The following MYO1H variants were observed in gnomAD, a reference collection of about 807,000 sequenced individuals.
MYO1H encodes unconventional myosin-Ih.
In MYO1H, 118 loss-of-function variants were observed where a neutral mutation model predicts 149.3. The ratio of observed to expected loss-of-function variants is 0.79; its 90% CI spans 0.68 to 0.92. MYO1H has a LOEUF of 0.92. MYO1H is among the 40% of genes least tolerant of loss of function. MYO1H has a pLI of 0.00. For synonymous variants in MYO1H, 447 were observed against 465.2 expected (o/e 0.96, Z 0.50); for missense variants, 1,212 against 1,280.7 (o/e 0.95, Z 0.82).
At chr12:109,383,370 G>A (rs925564050) in intron 1 of MYO1H, among the ~76,000 whole-genome samples, 13 of 152,202 alleles carry the variant, frequency 8.5e-5, no homozygotes, top group African/African-American at 2.9e-4. Flanking sequence ...CATTCAAACT[G>A]CTGTCCTCCC....
intron 15 of MYO1H, among the ~76,000 whole-genome samples, chr12:109,416,533 A>G (rs1002624574): frequency 6.6e-6 from 1 of 152,060 alleles, no homozygotes; most frequent in Non-Finnish European, 1.5e-5. Context: ...GATATGCCAC[A>G]TTTTGTTCAT....
intron 1 of MYO1H, among the ~76,000 whole-genome samples, chr12:109,388,337 G>A (rs1869475635): frequency 6.6e-6 from 1 of 152,160 alleles, no homozygotes. Flanking sequence ...CAGATTTTGG[G>A]CGTGGCTTAT....
intron 16 of MYO1H, among the ~76,000 whole-genome samples, chr12:109,421,777 A>G (rs576098460): frequency 3.3e-5 from 5 of 152,068 alleles, no homozygotes; most frequent in East Asian, 1.9e-4. Flanking sequence ...GGAATTCCCA[A>G]TCTCTTTGCC....
At chr12:109,313,902 T>C in the MYO1H span, among the ~76,000 whole-genome samples, 11 of 152,204 alleles carry the variant, frequency 7.2e-5, no homozygotes, top group Non-Finnish European at 1.0e-4. Context: ...CTCGTTTTTT[T>C]AGACGGAGTT....
chr12:109,406,938 C>T (rs1377510404), intron 9 of MYO1H, 78 bp downstream of exon 9: 1 of 1,370,332 alleles, frequency 7.3e-7, no homozygotes, highest in African/African-American at 1.4e-5. Flanking sequence ...GGGTGGTGGC[C>T]TCAGGGGAGG....
At chr12:109,420,867 T>G in intron 15 of MYO1H, 114 bp from the exon 16 acceptor site, 1 of 702,276 alleles carries the variant, frequency 1.4e-6, no homozygotes, top group Non-Finnish European at 2.6e-6. Context: ...TGAGAAACTA[T>G]GAGCTAATCC....
upstream of MYO1H, among the ~76,000 whole-genome samples, chr12:109,344,566 G>C (rs7131797): frequency 0.51 from 76,938 of 151,984 alleles, 20,261 homozygotes; most frequent in African/African-American, 0.63. Flanking sequence ...TCCCCAAATT[G>C]ACCTACATAT....
At chr12:109,369,832 A>G (rs1011344567) in intron 1 of MYO1H, among the ~76,000 whole-genome samples, 1 of 152,230 alleles carries the variant, frequency 6.6e-6, no homozygotes, top group Non-Finnish European at 1.5e-5. Flanking sequence ...GCTGATAAAG[A>G]CATACCTCAG....
intron 1 of MYO1H, among the ~76,000 whole-genome samples, chr12:109,351,819 G>T (rs528900179): frequency 6.6e-6 from 1 of 152,268 alleles, no homozygotes; most frequent in Non-Finnish European, 1.5e-5. Flanking sequence ...AGTAGTTTTT[G>T]CAGATGCCAC....
chr12:109,434,968 G>A, intron 20 of MYO1H, 69 bp from the exon 21 acceptor site: 2 of 876,404 alleles, frequency 2.3e-6, no homozygotes, highest in Non-Finnish European at 3.6e-6. Flanking sequence ...TTTTTGAAGG[G>A]GGCACCGTTC....
chr12:109,325,223 T>G, the MYO1H span, among the ~76,000 whole-genome samples: 2 of 151,088 alleles, frequency 1.3e-5, no homozygotes, highest in Admixed American at 1.3e-4. Flanking sequence ...TATAATCCTT[T>G]GGGTATATAC....
intron 30 of MYO1H, 69 bp downstream of exon 30, chr12:109,444,598 G>A (rs1292117845): frequency 3.3e-6 from 4 of 1,221,744 alleles, no homozygotes; most frequent in Non-Finnish European, 4.8e-6. Context: ...CGAGCGTGGT[G>A]GCTCATGCCT....
intron 1 of MYO1H, among the ~76,000 whole-genome samples, chr12:109,383,567 G>T (rs192325979): frequency 6.6e-6 from 1 of 152,326 alleles, no homozygotes; most frequent in East Asian, 1.9e-4. Flanking sequence ...AGGAATCCAG[G>T]CTGTTTTGAT....
chr12:109,433,075 C>A, intron 20 of MYO1H, 65 bp downstream of exon 20: 1 of 1,321,504 alleles, frequency 7.6e-7, no homozygotes, highest in Non-Finnish European at 1.1e-6. Flanking sequence ...GTGCATTGAT[C>A]CGTATCCATC....
At chr12:109,434,592 T>G (rs1328542819) in intron 20 of MYO1H, among the ~76,000 whole-genome samples, 2 of 151,988 alleles carry the variant, frequency 1.3e-5, no homozygotes, top group Non-Finnish European at 2.9e-5. Context: ...TTACGTTGGT[T>G]TATTCATTTC....
chr12:109,341,739 G>T, the MYO1H span, among the ~76,000 whole-genome samples: 1 of 152,206 alleles, frequency 6.6e-6, no homozygotes, highest in Non-Finnish European at 1.5e-5. Flanking sequence ...ACTTAAGGAA[G>T]TTGTCAGTGA....
exon 31 of MYO1H, chr12:109,445,566 G>A (rs1452202067): frequency 1.2e-6 from 2 of 1,612,570 alleles, no homozygotes; most frequent in Non-Finnish European, 1.7e-6. Context: ...TTCGACACTG[G>A]ACTGGAAGAA....
chr12:109,314,236 TA>T, the MYO1H span, among the ~76,000 whole-genome samples: 1,708 of 141,070 alleles, frequency 0.012, 33 homozygotes, highest in African/African-American at 0.043. Flanking sequence ...TTAAGCTTTT[TA>T]AAAAAAAAAA....
At chr12:109,387,587 C>T (rs1869405438) in intron 1 of MYO1H, among the ~76,000 whole-genome samples, 1 of 152,256 alleles carries the variant, frequency 6.6e-6, no homozygotes, top group Non-Finnish European at 1.5e-5. Context: ...AGGCAGGCCG[C>T]TTCTCTTCCT....
Sources: allele counts gnomAD v4.1 joint callset (sites outside exome capture counted in the v4.1 genomes callset), GRCh38; gene constraint gnomAD v4.1.1; transcripts MANE v1.5; gene names NCBI Gene and HGNC (gene_info 2026-07-23, HGNC 2026-07-21).